The following MAP2K2 variants were observed in gnomAD, a reference collection of about 807,000 sequenced individuals.
The protein encoded by MAP2K2 is mitogen-activated protein kinase kinase 2, also known as dual specificity mitogen-activated protein kinase kinase 2.
In MAP2K2, 24 loss-of-function variants were observed where a neutral mutation model predicts 43.7. That is an observed-to-expected ratio of 0.55 (90% confidence interval 0.40 to 0.77). The LOEUF (loss-of-function observed/expected upper bound fraction) is 0.77. Ranked by LOEUF, MAP2K2 falls within the 30% of genes least tolerant of loss-of-function variation. The probability of loss-of-function intolerance (pLI) is 0.00; values close to 1 mark genes in which losing one functional copy is unlikely to be tolerated. For synonymous variants in MAP2K2, 244 were observed against 239.7 expected, an observed-to-expected ratio of 1.02 and a Z score of -0.17; for missense variants, 470 against 566.8, an observed-to-expected ratio of 0.83 and a Z score of 1.73.
intron 3 of MAP2K2, chr19:4,103,598 G>A (rs2041046759): frequency 1.3e-5 from 2 of 152,116 alleles, no homozygotes; most frequent in South Asian, 4.1e-4. Flanking sequence ...CAGGACTCCT[G>A]CAAAAGCCCA....
intron 9 of MAP2K2, chr19:4,094,716 A>C: frequency 1.7e-6 from 1 of 578,632 alleles, no homozygotes. Flanking sequence ...GACACCCCCC[A>C]GCGGGAGGGT....
At chr19:4,117,945 C>CT (rs558193059) in intron 1 of MAP2K2, among the ~76,000 whole-genome samples, 89 of 149,428 alleles carry the variant, frequency 6.0e-4, no homozygotes, top group Non-Finnish European at 8.9e-4. Context: ...TTTTCTTTTT[C>CT]TTTTTTTTTT....
At position 4,099,367 on chromosome 19, in the gene MAP2K2, C is replaced by G. The variant is rs2145050346; in HGVS notation, c.753G>C (p.Trp251Cys). The G allele has an allele frequency of 6.2e-7, 1 of 1,611,832 alleles. No homozygotes were observed. The highest frequency in any genetic ancestry group is 8.5e-7 in the Non-Finnish European group (1 of 1,179,342). The change falls in exon 7 of 11, where the codon TGG becomes TGC. Residue 251 changes from tryptophan to cysteine, a missense_variant. Physicochemically the swap from Trp to Cys is radical, Grantham distance 215 (BLOSUM62 -2). Coordinates refer to ENST00000262948, the MANE Select transcript of MAP2K2 (RefSeq NM_030662.4). ...GTHYSVQSDI[W>C]SMGLSLVELA... ...GCTCCACCAGGGACAGGCCCATGCT[C>G]CAGATGTCCGACTGCACCGAGTAAT...
intron 3 of MAP2K2, among the ~76,000 whole-genome samples, chr19:4,107,523 C>CAAAAAAAAA: frequency 1.7e-5 from 1 of 59,320 alleles, no homozygotes; most frequent in Non-Finnish European, 2.9e-5. Context: ...GACTCCGTCT[C>CAAAAAAAAA]AAAAAAAAAA....
intron 3 of MAP2K2, 108 bp downstream of exon 3, chr19:4,110,401 A>G (rs1955663940): frequency 1.0e-5 from 14 of 1,366,756 alleles, no homozygotes; most frequent in Non-Finnish European, 1.3e-5. Context: ...CCTGGAAGCC[A>G]GCGCACTGTT....
In MAP2K2 at chr19:4,123,781, C is replaced by T. The variant is rs1291882794; in HGVS notation, c.92+3G>A. On this transcript the variant is annotated splice_donor_region_variant and intron_variant, in intron 1 of 10. Coordinates refer to ENST00000262948, the MANE Select transcript of MAP2K2 (RefSeq NM_030662.4). Reference sequence around the variant, plus strand: ...AGCCTCCGGCTGACCCCTGCCCACTCACTCGGAGGCGCCCTCGCTGGTAGG... The same window carrying T: ...AGCCTCCGGCTGACCCCTGCCCACTTACTCGGAGGCGCCCTCGCTGGTAGG... The T allele has an allele frequency of 6.5e-7, 1 of 1,548,992 alleles. No homozygotes were observed. The highest frequency in any genetic ancestry group is 8.7e-7 in the Non-Finnish European group (1 of 1,151,678).
chr19:4,114,835 G>C (rs538668337), intron 2 of MAP2K2, among the ~76,000 whole-genome samples: 132 of 152,234 alleles, frequency 8.7e-4, no homozygotes, highest in Admixed American at 1.4e-3. Context: ...GAGGCTAAGG[G>C]AGGAGAATCG....
chr19:4,103,177 G>A (rs2041039332), intron 3 of MAP2K2: 1 of 991,434 alleles, frequency 1.0e-6, no homozygotes. Flanking sequence ...ACAGCCTGTG[G>A]TCTCCTCGCC....
At chr19:4,098,605 T>C (rs976987052) in intron 7 of MAP2K2, among the ~76,000 whole-genome samples, 10 of 152,212 alleles carry the variant, frequency 6.6e-5, no homozygotes, top group African/African-American at 2.2e-4. Flanking sequence ...CGGCCCTCTC[T>C]GACTGGCGTC....
chr19:4,112,765 C>T (rs2041170840), intron 2 of MAP2K2, among the ~76,000 whole-genome samples: 1 of 152,194 alleles, frequency 6.6e-6, no homozygotes. Context: ...TCCACTCCCT[C>T]ATGGTGACCC....
At chr19:4,105,307 T>C (rs1480524927) in intron 3 of MAP2K2, among the ~76,000 whole-genome samples, 2 of 151,944 alleles carry the variant, frequency 1.3e-5, no homozygotes, top group African/African-American at 4.8e-5. Flanking sequence ...CTCGCTCTGT[T>C]GCCCAGGCGG....
At chr19:4,119,715 GGGCTACTCAACCA>G (rs1236760491) in intron 1 of MAP2K2, among the ~76,000 whole-genome samples, 1 of 152,176 alleles carries the variant, frequency 6.6e-6, no homozygotes, top group African/African-American at 2.4e-5. Context: ...CTGTAGCCAG[GGGCTACTCAACCA>G]GGCAGTGCAG....
intron 2 of MAP2K2, among the ~76,000 whole-genome samples, chr19:4,113,707 C>T (rs2041184198): frequency 6.6e-6 from 1 of 152,176 alleles, no homozygotes; most frequent in Non-Finnish European, 1.5e-5. Flanking sequence ...AATGCCAGAC[C>T]TGGCTCGGAG....
intron 9 of MAP2K2, chr19:4,094,725 G>T (rs781075135): frequency 1.9e-5 from 11 of 572,532 alleles, no homozygotes; most frequent in Non-Finnish European, 3.5e-5. Context: ...CAGCGGGAGG[G>T]TGAGAGGGAA....
At chr19:4,096,894 G>A (rs1358544208) in intron 8 of MAP2K2, among the ~76,000 whole-genome samples, 1 of 152,064 alleles carries the variant, frequency 6.6e-6, no homozygotes, top group East Asian at 1.9e-4. Context: ...GGAAGGAGCT[G>A]GGCTTGTGCA....
Position 4,101,158 on chromosome 19 carries a change from C to A in MAP2K2, c.581-15G>T. 1 of 1,523,076 alleles carries A rather than the reference C, an allele frequency of 6.6e-7. No homozygotes were observed. Among genetic ancestry groups the A allele is most frequent in the Non-Finnish European group, 8.9e-7 (1 of 1,126,178 alleles). 94.3% of individuals were successfully genotyped at this position (1,523,076 alleles called of 1,614,324 possible). On this transcript the variant is annotated splice_polypyrimidine_tract_variant and intron_variant, in intron 5 of 10. Coordinates refer to ENST00000262948, the MANE Select transcript of MAP2K2 (RefSeq NM_030662.4). This position sits in a 1 kb window ranked among gnomAD's most constrained non-coding sequence, Gnocchi z 6.3. Reference sequence around the variant, plus strand: ...GGGCTTCACATCTGGAGGCGGCAGGCTGCGGGTGAGGGGCGCCCAACAGTT... The same window carrying A: ...GGGCTTCACATCTGGAGGCGGCAGGATGCGGGTGAGGGGCGCCCAACAGTT...
chr19:4,093,948 T>C (rs2040878829), intron 10 of MAP2K2, among the ~76,000 whole-genome samples: 1 of 152,064 alleles, frequency 6.6e-6, no homozygotes, highest in Admixed American at 6.6e-5. Context: ...TCTGAGGGTG[T>C]AGTCCCCGCT....
intron 2 of MAP2K2, among the ~76,000 whole-genome samples, chr19:4,116,259 G>A (rs946183397): frequency 6.6e-5 from 10 of 152,174 alleles, no homozygotes; most frequent in Admixed American, 3.3e-4. Context: ...GCCCAGGCGC[G>A]GTGGCTCATG....
intron 3 of MAP2K2, among the ~76,000 whole-genome samples, chr19:4,106,211 G>C (rs2041083462): frequency 6.6e-6 from 1 of 151,990 alleles, no homozygotes; most frequent in South Asian, 2.1e-4. Context: ...TTCAAGACCA[G>C]TCTGGGCAAT....
Sources: allele counts gnomAD v4.1 joint callset (sites outside exome capture counted in the v4.1 genomes callset), GRCh38; gene constraint gnomAD v4.1.1; non-coding constraint Gnocchi (gnomAD v3.1); transcripts MANE v1.5; gene names NCBI Gene and HGNC (gene_info 2026-07-23, HGNC 2026-07-21).